POR: variants seen among roughly 807,000 people sequenced by gnomAD.
The protein encoded by POR is cytochrome p450 oxidoreductase.
POR carries 56 observed loss-of-function variants against 84.0 expected under a neutral mutation model. That is an observed-to-expected ratio of 0.67 (90% CI 0.54 to 0.83). POR has a LOEUF of 0.83. Ranked by LOEUF, POR falls within the 40% of genes least tolerant of loss-of-function variation. POR has a pLI of 0.00. For missense variants in POR, 938 were observed against 944.3 expected, an observed-to-expected ratio of 0.99 and a Z score of 0.09; for synonymous variants, 414 against 400.5, an observed-to-expected ratio of 1.03 and a Z score of -0.40.
At chr7:75,958,070 C>T (rs1404548324) in intron 2 of POR, among the ~76,000 whole-genome samples, 23 of 152,140 alleles carry the variant, frequency 1.5e-4, no homozygotes, top group African/African-American at 5.5e-4. Context: ...GAGCTCTTTG[C>T]TCAGTTCCTG....
intron 1 of POR, among the ~76,000 whole-genome samples, chr7:75,947,803 T>G (rs891576767): frequency 1.3e-5 from 2 of 151,984 alleles, no homozygotes; most frequent in Non-Finnish European, 2.9e-5. Flanking sequence ...GAGGAGCATC[T>G]CAGACACCTG....
At chr7:75,963,035 C>T (rs1788011776) in intron 2 of POR, among the ~76,000 whole-genome samples, 1 of 152,174 alleles carries the variant, frequency 6.6e-6, no homozygotes, top group Admixed American at 6.5e-5. Context: ...CCTGAGTGAC[C>T]TTCCTTTTGG....
intron 1 of POR, among the ~76,000 whole-genome samples, chr7:75,939,583 A>G (rs1223216289): frequency 6.6e-6 from 1 of 151,236 alleles, no homozygotes; most frequent in Non-Finnish European, 1.5e-5. Flanking sequence ...CTAGTCTTCA[A>G]AGAACCTCTT....
chr7:75,952,586 G>A (rs1554553029), intron 1 of POR, among the ~76,000 whole-genome samples: 2 of 150,384 alleles, frequency 1.3e-5, no homozygotes, highest in Non-Finnish European at 3.0e-5. Context: ...CCAGGCAGAG[G>A]GTCTCCTCAC....
In POR at chr7:75,969,194, G is replaced by A. The variant is rs1554555785; in HGVS notation, c.189-3219G>A. Among the ~76,000 whole-genome samples, 6 of 152,308 alleles carry A rather than the reference G, an allele frequency of 3.9e-5. 1 individual carries two copies. The Middle Eastern group carries it at 0.014, about 345-fold the overall frequency. ...ATGTCTTTGAAATCACAGGCTGACC[G>A]CCTTCCAGGGAATGCCCTTTTTTCT... On this transcript the variant is annotated intron_variant, in intron 2 of 15. Coordinates refer to ENST00000461988, the MANE Select transcript of POR (RefSeq NM_000941.3).
intron 1 of POR, chr7:75,943,837 G>A (rs1272174587): frequency 4.9e-5 from 25 of 511,080 alleles, no homozygotes; most frequent in Admixed American, 1.8e-4. Flanking sequence ...AGATATGAGC[G>A]AATGCTATAG....
chr7:75,937,860 C>T (rs1470244874), intron 1 of POR, among the ~76,000 whole-genome samples: 1 of 151,964 alleles, frequency 6.6e-6, no homozygotes, highest in Non-Finnish European at 1.5e-5. Context: ...GAGTTTTGTG[C>T]CTGTAAATCA....
chr7:75,977,789 TAAAA>T (rs1210773551), intron 3 of POR, among the ~76,000 whole-genome samples: 1 of 150,602 alleles, frequency 6.6e-6, no homozygotes, highest in African/African-American at 2.4e-5. Context: ...CACACAAAAA[TAAAA>T]AAAAGAAAAG....
In POR at chr7:75,925,082, G is replaced by A. The variant is rs1017371933; in HGVS notation, c.-5+9903G>A. 3.9e-5 allele frequency among the ~76,000 whole-genome samples: 6 copies of A among 152,312 alleles called. No individual in the cohort carries two copies. The South Asian group carries it at 1.0e-3, about 26-fold the overall frequency. On this transcript the variant is annotated intron_variant, in intron 1 of 15. Coordinates refer to ENST00000461988, the MANE Select transcript of POR (RefSeq NM_000941.3). ...GAGAAAAGGACTCTGGGAGGTGATGGTGTCAAAAAGCAGTCCAGGGAAGCT... is the reference window on the plus strand; with the variant it reads ...GAGAAAAGGACTCTGGGAGGTGATGATGTCAAAAAGCAGTCCAGGGAAGCT...
chr7:75,921,831 C>T (rs1156832246), intron 1 of POR, among the ~76,000 whole-genome samples: 2 of 152,012 alleles, frequency 1.3e-5, no homozygotes, highest in African/African-American at 4.8e-5. Flanking sequence ...CTCAGCCTCC[C>T]GAGTAGCTGG....
intron 1 of POR, among the ~76,000 whole-genome samples, chr7:75,927,078 G>C (rs1446582061): frequency 6.6e-6 from 1 of 152,198 alleles, no homozygotes; most frequent in Non-Finnish European, 1.5e-5. Flanking sequence ...AATAGCTCTG[G>C]AGACAGTTGG....
chr7:75,939,883 C>T (rs1807886373), intron 1 of POR, among the ~76,000 whole-genome samples: 1 of 151,782 alleles, frequency 6.6e-6, no homozygotes. Flanking sequence ...GTTGGGATTA[C>T]AGGCGTGAGC....
intron 1 of POR, among the ~76,000 whole-genome samples, chr7:75,937,786 A>G (rs554197741): frequency 6.6e-6 from 1 of 152,328 alleles, no homozygotes; most frequent in East Asian, 1.9e-4. Context: ...CCATCTAAAA[A>G]AAAAAACAAT....
chr7:75,948,330 T>A (rs2116379206), intron 1 of POR, among the ~76,000 whole-genome samples: 1 of 152,330 alleles, frequency 6.6e-6, no homozygotes, highest in South Asian at 2.1e-4. Flanking sequence ...GGCTGAGCGC[T>A]GGGAGTGCCC....
intron 1 of POR, among the ~76,000 whole-genome samples, chr7:75,950,283 C>T (rs1261032904): frequency 1.3e-5 from 2 of 152,188 alleles, no homozygotes; most frequent in African/African-American, 4.8e-5. Flanking sequence ...ACCTCACTCC[C>T]AGCGTCGTCG....
chr7:75,934,592 T>C (rs1554550575), intron 1 of POR, among the ~76,000 whole-genome samples: 1 of 152,138 alleles, frequency 6.6e-6, no homozygotes, highest in African/African-American at 2.4e-5. Context: ...AAAAAGGCCT[T>C]GAAGGCATTT....
intron 2 of POR, among the ~76,000 whole-genome samples, chr7:75,971,257 G>C (rs1467471691): frequency 6.6e-6 from 1 of 151,938 alleles, no homozygotes; most frequent in African/African-American, 2.4e-5. Flanking sequence ...CACTATGCCC[G>C]ACCAAAAATG....
chr7:75,984,743 C>T, intron 10 of POR, 34 bp from the exon 11 acceptor site: 2 of 1,604,936 alleles, frequency 1.2e-6, no homozygotes, highest in Non-Finnish European at 1.7e-6. Flanking sequence ...GAGGCGGCCG[C>T]CTACCCCAAG....
In POR at chr7:75,983,636, G is replaced by C. The variant is rs782572970; in HGVS notation, c.947G>C (p.Arg316Thr). 9 of 1,612,326 alleles carry C rather than the reference G, an allele frequency of 5.6e-6. No individual in the cohort carries two copies. Among genetic ancestry groups the C allele is most frequent in the Non-Finnish European group, 7.6e-6 (9 of 1,179,310 alleles). The change falls in exon 9 of 16, where the codon AGG becomes ACG. Residue 316 changes from arginine (R) to threonine (T), a missense_variant and splice_region_variant. Physicochemically the swap from Arg to Thr is moderately conservative, Grantham distance 71. Coordinates refer to ENST00000461988, the MANE Select transcript of POR (RefSeq NM_000941.3). ...TTGGACATCTCGGACTCCAAAATCA[G>C]GTACCAGCTGCCACTGTCACCCCCT... is the stretch of plus-strand genomic sequence containing the variant.
Sources: allele counts gnomAD v4.1 joint callset (sites outside exome capture counted in the v4.1 genomes callset), GRCh38; gene constraint gnomAD v4.1.1; transcripts MANE v1.5; gene names NCBI Gene and HGNC (gene_info 2026-07-23, HGNC 2026-07-21).